Variants in SEMA5A observed in about 807,000 individuals in gnomAD.
SEMA5A encodes semaphorin 5A.
In SEMA5A, 55 loss-of-function variants were observed where a neutral mutation model predicts 135.5. That is an observed-to-expected ratio of 0.41 (90% CI 0.33 to 0.51). The LOEUF (loss-of-function observed/expected upper bound fraction) is 0.51, where lower values mean the gene tolerates loss of function less well. Among genes scored for constraint, SEMA5A ranks in the 20% least tolerant of loss-of-function variants. The probability of loss-of-function intolerance (pLI) is 0.37; values close to 1 mark genes in which losing one functional copy is unlikely to be tolerated. For missense variants in SEMA5A, 1,290 were observed against 1,419.9 expected (o/e 0.91, Z 1.47); for synonymous variants, 580 against 546.5 (o/e 1.06, Z -0.85).
At chr5:9,346,964 G>A (rs1284954549) in intron 3 of SEMA5A, among the ~76,000 whole-genome samples, 1 of 151,352 alleles carries the variant, frequency 6.6e-6, no homozygotes, top group Non-Finnish European at 1.5e-5. Context: ...AGATATTATA[G>A]ACACTTAATA....
intron 5 of SEMA5A, among the ~76,000 whole-genome samples, chr5:9,279,838 T>C (rs1750452120): frequency 6.6e-6 from 1 of 152,198 alleles, no homozygotes; most frequent in Admixed American, 6.5e-5. Context: ...CTCCAAGCCA[T>C]GCTTCCTGTT....
At chr5:9,096,009 T>A (rs1739292905) in intron 16 of SEMA5A, among the ~76,000 whole-genome samples, 1 of 152,202 alleles carries the variant, frequency 6.6e-6, no homozygotes, top group South Asian at 2.1e-4. Flanking sequence ...GTGATTTAAT[T>A]TCCTTTGGGT....
intron 4 of SEMA5A, among the ~76,000 whole-genome samples, chr5:9,330,588 AC>A (rs1378916734): frequency 6.6e-6 from 1 of 152,178 alleles, no homozygotes. Context: ...TTAATTTTGA[AC>A]AAATGTCCTA....
At chr5:9,291,863 T>C (rs537622996) in intron 5 of SEMA5A, among the ~76,000 whole-genome samples, 1 of 152,210 alleles carries the variant, frequency 6.6e-6, no homozygotes, top group East Asian at 1.9e-4. Context: ...CACTATGTTT[T>C]GTGGTGCTGA....
At chr5:9,499,019 A>G (rs911685802) in intron 1 of SEMA5A, among the ~76,000 whole-genome samples, 3 of 152,244 alleles carry the variant, frequency 2.0e-5, no homozygotes, top group African/African-American at 7.2e-5. Context: ...TGCCGCAACT[A>G]TGTGTGTAAA....
intron 5 of SEMA5A, among the ~76,000 whole-genome samples, chr5:9,310,460 T>C (rs1361349887): frequency 6.6e-6 from 1 of 151,904 alleles, no homozygotes; most frequent in Non-Finnish European, 1.5e-5. Flanking sequence ...GGCAAAAAAA[T>C]AAATGAGCTC....
intron 11 of SEMA5A, among the ~76,000 whole-genome samples, chr5:9,161,817 T>C (rs1743273120): frequency 6.6e-6 from 1 of 152,218 alleles, no homozygotes; most frequent in East Asian, 1.9e-4. Context: ...TCTCTATAAG[T>C]GTTTAAAAAT....
At position 9,177,482 on chromosome 5, in the gene SEMA5A, G is replaced by C. The variant is rs911070108; in HGVS notation, c.1273+12785C>G. ...ATAGCCTCATCTGAACATTTGGAGGGCTTCATTCTGGTGGAAATGTATGTG... is the reference window on the plus strand; with the variant it reads ...ATAGCCTCATCTGAACATTTGGAGGCCTTCATTCTGGTGGAAATGTATGTG... On this transcript the variant is annotated intron_variant, in intron 11 of 22. Transcript: ENST00000382496. 2.0e-5 allele frequency among the ~76,000 whole-genome samples: 3 copies of C among 152,328 alleles called. No homozygotes were observed. The East Asian group carries it at 5.8e-4, about 29-fold the overall frequency.
intron 12 of SEMA5A, among the ~76,000 whole-genome samples, chr5:9,153,354 G>C (rs917611464): frequency 6.6e-6 from 1 of 152,226 alleles, no homozygotes; most frequent in Non-Finnish European, 1.5e-5. Context: ...GGAGTAAAGT[G>C]CTGGTCAGGT....
At chr5:9,083,621 TCC>T (rs1738516918) in intron 16 of SEMA5A, among the ~76,000 whole-genome samples, 2 of 151,938 alleles carry the variant, frequency 1.3e-5, no homozygotes, top group African/African-American at 4.8e-5. Flanking sequence ...CATCCATCCA[TCC>T]ATCCATCCAT....
intron 11 of SEMA5A, among the ~76,000 whole-genome samples, chr5:9,161,537 G>A (rs921757627): frequency 1.3e-5 from 2 of 152,110 alleles, no homozygotes; most frequent in African/African-American, 4.8e-5. Flanking sequence ...TCTTTTATAT[G>A]AAGTGAAATC....
chr5:9,383,185 G>C lies in SEMA5A; in HGVS notation c.-77-3162C>G, dbSNP rs1579448403. 3.9e-5 allele frequency among the ~76,000 whole-genome samples: 6 copies of C among 152,346 alleles called. No individual in the cohort carries two copies. In the South Asian group the frequency reaches 1.2e-3, roughly 32 times the overall value. ...AAAGGAGTTACAGTGTGCAAAACTG[G>C]TGTCTGCTTTAGAACTCCAGTCCAA... On this transcript the variant is annotated intron_variant, in intron 2 of 22. Transcript: ENST00000382496.
Position 9,051,827 on chromosome 5 carries a change from TG to T in SEMA5A, c.2845+45del, listed in dbSNP as rs767175533. ...ACCTATGAATCATTTTCTCTCTCCATGTTGGAAATGATTTTATTCTTACTGA... is the reference window on the plus strand; with the variant it reads ...ACCTATGAATCATTTTCTCTCTCCATTTGGAAATGATTTTATTCTTACTGA... On this transcript the variant is annotated intron_variant, in intron 20 of 22. Transcript: ENST00000382496. The T allele has an allele frequency of 1.6e-5, 26 of 1,606,932 alleles. No homozygotes were observed. The Admixed American group carries it at 4.3e-4, about 27-fold the overall frequency.
intron 3 of SEMA5A, among the ~76,000 whole-genome samples, chr5:9,347,088 T>A (rs1053909459): frequency 6.6e-6 from 1 of 152,142 alleles, no homozygotes; most frequent in African/African-American, 2.4e-5. Flanking sequence ...ATTAGAGAAA[T>A]TAAAACATTT....
intron 12 of SEMA5A, among the ~76,000 whole-genome samples, chr5:9,148,665 C>A (rs1032065990): frequency 1.1e-4 from 16 of 152,118 alleles, no homozygotes; most frequent in Admixed American, 3.9e-4. Flanking sequence ...GGAACGGGCT[C>A]CTGAGAGTAC....
chr5:9,532,440 CTTTTTTTTTT>C (rs4045370), intron 1 of SEMA5A, among the ~76,000 whole-genome samples: 1 of 125,146 alleles, frequency 8.0e-6, no homozygotes, highest in Non-Finnish European at 1.6e-5. Context: ...TAATTTTTTT[CTTTTTTTTTT>C]TTTTTTTTTG....
intron 5 of SEMA5A, among the ~76,000 whole-genome samples, chr5:9,283,219 G>A (rs1247610000): frequency 6.6e-6 from 1 of 152,150 alleles, no homozygotes; most frequent in Middle Eastern, 3.2e-3. Flanking sequence ...CAGTTCTCAT[G>A]AGTCAGGAGT....
chr5:9,058,849 C>G (rs1288389469), intron 18 of SEMA5A, among the ~76,000 whole-genome samples: 2 of 152,216 alleles, frequency 1.3e-5, no homozygotes, highest in Non-Finnish European at 2.9e-5. Context: ...GCTGTGCTCT[C>G]TGCTCCTAAG....
Position 9,136,631 on chromosome 5 carries a change from C to T in SEMA5A, c.1482-10G>A. ...GGCCCCAATGCAGGTGCTGGAAACA[C>T]ACACCAAATGGTCAACAGAAAGGTC... is the stretch of plus-strand genomic sequence containing the variant. On this transcript the variant is annotated splice_polypyrimidine_tract_variant and intron_variant, in intron 12 of 22. Coordinates refer to ENST00000382496, the MANE Select transcript of SEMA5A (RefSeq NM_003966.3). 1 of 1,606,120 alleles carries T rather than the reference C, an allele frequency of 6.2e-7. No individual in the cohort carries two copies. Among genetic ancestry groups the T allele is most frequent in the Non-Finnish European group, 8.5e-7 (1 of 1,172,792 alleles).
Sources: gnomAD v4.1 joint callset for allele counts (sites outside exome capture counted in the v4.1 genomes callset) on GRCh38, gnomAD v4.1.1 for gene constraint, MANE v1.5 for transcripts, NCBI Gene and HGNC (gene_info 2026-07-23, HGNC 2026-07-21) for gene names.